The following ZNF805 variants were observed in gnomAD, a reference collection of about 807,000 sequenced individuals.
ZNF805 encodes the protein CTC-444N24.8.
Under a neutral mutation model 13.6 loss-of-function variants are expected in ZNF805, and 7 were observed. The ratio of observed to expected loss-of-function variants is 0.51; its 90% CI spans 0.29 to 0.97. ZNF805 has a LOEUF of 0.97. ZNF805 is among the 50% of genes least tolerant of loss of function. ZNF805 has a pLI of 0.08. For missense variants in ZNF805, 604 were observed against 771.0 expected, an observed-to-expected ratio of 0.78 and a Z score of 2.57; for synonymous variants, 293 against 279.8, an observed-to-expected ratio of 1.05 and a Z score of -0.47.
At chr19:57,251,729 G>A (rs1382792458) in intron 3 of ZNF805, among the ~76,000 whole-genome samples, 1 of 152,128 alleles carries the variant, frequency 6.6e-6, no homozygotes, top group Non-Finnish European at 1.5e-5. Flanking sequence ...TTTATTGTAA[G>A]TTGTAAAACT....
At position 57,253,603 on chromosome 19, in the gene ZNF805, A is replaced by G; in HGVS notation, c.784A>G (p.Met262Val). 1 of 1,614,034 alleles carries G rather than the reference A, an allele frequency of 6.2e-7. No homozygotes were observed. The highest frequency in any genetic ancestry group is 8.5e-7 in the Non-Finnish European group (1 of 1,179,978). ...CACTGGGGAGAAGCCCTATAAGTGC[A>G]TGGAGTGTGGGAAGGCTTTTAATCG... is the stretch of plus-strand genomic sequence containing the variant. ...VHTGEKPYKC[M>V]ECGKAFNRKS... The change falls in exon 4 of 4, where the codon ATG (methionine) becomes GTG (valine). Residue 262 changes from methionine to valine, a missense_variant. This residue lies in a region of ZNF805 where 327 missense variants were observed against 378.2 expected (regional missense o/e 0.86). Coordinates refer to ENST00000414468, the MANE Select transcript of ZNF805 (RefSeq NM_001023563.4). This position sits in a 1 kb window ranked among gnomAD's most constrained non-coding sequence, Gnocchi z 4.4.
At chr19:57,242,889 T>C (rs1051258916) in intron 1 of ZNF805, among the ~76,000 whole-genome samples, 5 of 152,052 alleles carry the variant, frequency 3.3e-5, no homozygotes, top group Middle Eastern at 3.2e-3. Flanking sequence ...GGGACCTGGG[T>C]TAAAATCCTG....
In ZNF805 at chr19:57,259,576, T is replaced by C. The variant is rs1248276035; in HGVS notation, c.*4873T>C. On this transcript the variant is annotated 3_prime_UTR_variant, in exon 4 of 4. Coordinates refer to ENST00000414468, the MANE Select transcript of ZNF805 (RefSeq NM_001023563.4). The stretch of plus-strand genomic sequence containing the variant: ...GGCTGGAGTGCAGTGGCGCGATCTC[T>C]GCTCACTGCAAGCTCTGCCTCCCGG... 6.6e-6 allele frequency among the ~76,000 whole-genome samples: 1 copy of C among 152,100 alleles called. No homozygotes were observed. The highest frequency in any genetic ancestry group is 1.5e-5 in the Non-Finnish European group (1 of 68,008).
rs1431695998 is a variant in ZNF805, at chr19:57,258,072, C to T, written c.*3369C>T. Among the ~76,000 whole-genome samples, 6 of 141,738 alleles carry T rather than the reference C, an allele frequency of 4.2e-5. No individual in the cohort carries two copies. Among genetic ancestry groups the T allele is most frequent in the Admixed American group, 1.5e-4 (2 of 13,188 alleles). 93.0% of individuals were successfully genotyped at this position (141,738 alleles called of 152,430 possible). A position where few individuals can be genotyped will look rare whatever the true frequency, so the allele number is the denominator to read the frequency against. On this transcript the variant is annotated 3_prime_UTR_variant, in exon 4 of 4. Transcript: ENST00000414468. The stretch of plus-strand genomic sequence containing the variant: ...TGTCGCCCTGGCTGGAGTGCAGTGG[C>T]GCAGTCTGCAACCTCTGCCTCCCGG...
Position 57,258,671 on chromosome 19 carries a change from T to TG in ZNF805, c.*3968_*3969insG, listed in dbSNP as rs1226453001. On this transcript the variant is annotated 3_prime_UTR_variant, in exon 4 of 4. Transcript: ENST00000414468. Reference sequence around the variant, plus strand: ...TGTTAATATAATTGTCTAAAGTAATTCCTCTTCAAAATTGAGCACCATGTT... The same window carrying TG: ...TGTTAATATAATTGTCTAAAGTAATTGCCTCTTCAAAATTGAGCACCATGTT... 6.6e-6 allele frequency among the ~76,000 whole-genome samples: 1 copy of TG among 152,158 alleles called. No individual in the cohort carries two copies. Among genetic ancestry groups the TG allele is most frequent in the Non-Finnish European group, 1.5e-5 (1 of 68,022 alleles).
rs2097925194 is a variant in ZNF805 at position 57,258,858 on chromosome 19, T to C, written c.*4155T>C. Among the ~76,000 whole-genome samples, 1 of 152,194 alleles carries C rather than the reference T, an allele frequency of 6.6e-6. No homozygotes were observed. The highest frequency in any genetic ancestry group is 2.4e-5 in the African/African-American group (1 of 41,450). Reference sequence around the variant, plus strand: ...TTTGGCGAACTTGTGTAACCTTTTTTCTAGGGTCAGTCTGCTGGTGTCTCT... The same window carrying C: ...TTTGGCGAACTTGTGTAACCTTTTTCCTAGGGTCAGTCTGCTGGTGTCTCT... On this transcript the variant is annotated 3_prime_UTR_variant, in exon 4 of 4. Coordinates refer to ENST00000414468, the MANE Select transcript of ZNF805 (RefSeq NM_001023563.4).
At chr19:57,248,869 T>C (rs2087635218) in intron 3 of ZNF805, among the ~76,000 whole-genome samples, 169 bp downstream of exon 3, 1 of 152,136 alleles carries the variant, frequency 6.6e-6, no homozygotes, top group Non-Finnish European at 1.5e-5. Context: ...CCCATCGCAC[T>C]TGTCGCCACT....
intron 1 of ZNF805, among the ~76,000 whole-genome samples, chr19:57,242,785 A>G (rs865895219): frequency 2.8e-4 from 42 of 152,220 alleles, no homozygotes; most frequent in African/African-American, 9.7e-4. Flanking sequence ...ATTAAATAGC[A>G]AAAATATGTA....
intron 2 of ZNF805, 94 bp from the exon 3 acceptor site, chr19:57,248,511 G>A: frequency 8.5e-7 from 1 of 1,172,182 alleles, no homozygotes; most frequent in Non-Finnish European, 1.2e-6. Flanking sequence ...TTCATTCCAA[G>A]GTCTGGTCCC....
Position 57,254,351 on chromosome 19 carries a change from A to G in ZNF805, c.1532A>G (p.Tyr511Cys), listed in dbSNP as rs1232147099. The G allele has an allele frequency of 6.2e-6, 10 of 1,613,920 alleles. No individual in the cohort carries two copies. Among genetic ancestry groups the G allele is most frequent in the Non-Finnish European group, 8.5e-6 (10 of 1,180,002 alleles). ...HQRIHSGEKP[Y>C]ECIECGKTFC... Reference sequence around the variant, plus strand: ...CGGATTCATAGTGGAGAGAAGCCCTATGAATGCATCGAGTGTGGGAAAACA... The same window carrying G: ...CGGATTCATAGTGGAGAGAAGCCCTGTGAATGCATCGAGTGTGGGAAAACA... The change falls in exon 4 of 4, where the codon TAT becomes TGT. Residue 511 changes from tyrosine to cysteine, a missense_variant. This residue lies in a region of ZNF805 where 228 missense variants were observed against 352.8 expected (regional missense o/e 0.65). Transcript: ENST00000414468.
At position 57,243,434 on chromosome 19, in the gene ZNF805, C is replaced by T. The variant is rs1450661217; in HGVS notation, c.31-489C>T. On this transcript the variant is annotated intron_variant, in intron 1 of 3. Coordinates refer to ENST00000414468, the MANE Select transcript of ZNF805 (RefSeq NM_001023563.4). ...TTCTGTATTCATCTGAAAATTGAGG[C>T]AGAGATAAATGAGGTCCCTGAGGTC... Among the ~76,000 whole-genome samples the T allele has an allele frequency of 4.6e-5, 7 of 152,224 alleles. No individual in the cohort carries two copies. In the South Asian group the frequency reaches 1.2e-3, roughly 27 times the overall value.
intron 2 of ZNF805, among the ~76,000 whole-genome samples, chr19:57,245,753 T>C (rs1017296787): frequency 1.3e-5 from 2 of 149,902 alleles, no homozygotes; most frequent in Non-Finnish European, 1.5e-5. Context: ...CACTCCAGCC[T>C]GGGCGACAGA....
At chr19:57,245,758 G>A (rs553515057) in intron 2 of ZNF805, among the ~76,000 whole-genome samples, 116 of 150,668 alleles carry the variant, frequency 7.7e-4, no homozygotes, top group Middle Eastern at 3.5e-3. Context: ...CAGCCTGGGC[G>A]ACAGAGCGAG....
At position 57,261,312 on chromosome 19, in the gene ZNF805, T is replaced by C. The variant is rs1422136714; in HGVS notation, c.*6609T>C. The C allele has an allele frequency of 1.8e-5, 3 of 166,902 alleles. No homozygotes were observed. Among genetic ancestry groups the C allele is most frequent in the Non-Finnish European group, 4.4e-5 (3 of 68,108 alleles). 10.3% of individuals were successfully genotyped at this position (166,902 alleles called of 1,614,324 possible). A position where few individuals can be genotyped will look rare whatever the true frequency, so the allele number is the denominator to read the frequency against. ...AGAAAAGACGGAGAATGTCTGGGTT[T>C]GAGGATATGTGGGAGGGGTGGGGAG... On this transcript the variant is annotated 3_prime_UTR_variant, in exon 4 of 4. Coordinates refer to ENST00000414468, the MANE Select transcript of ZNF805 (RefSeq NM_001023563.4).
rs201704217 is a variant in ZNF805, at chr19:57,259,492, A to ATTTGT, written c.*4813_*4817dup. Among the ~76,000 whole-genome samples, 51 of 149,592 alleles carry ATTTGT rather than the reference A, an allele frequency of 3.4e-4. No homozygotes were observed. The highest frequency in any genetic ancestry group is 2.4e-3 in the Admixed American group (36 of 15,054). On this transcript the variant is annotated 3_prime_UTR_variant, in exon 4 of 4. Coordinates refer to ENST00000414468, the MANE Select transcript of ZNF805 (RefSeq NM_001023563.4). ...TGTATTTTTCAGTTGTTTAATTTCC[A>ATTTGT]TTTGTTTTGTTTTGTTTTGTTTTGT... is the stretch of plus-strand genomic sequence containing the variant.
At chr19:57,248,771 G>T in intron 3 of ZNF805, 71 bp downstream of exon 3, 3 of 1,341,240 alleles carry the variant, frequency 2.2e-6, no homozygotes, top group Non-Finnish European at 3.1e-6. Context: ...CTGGCCCTGG[G>T]ATCTCTTGGG....
At chr19:57,246,361 A>G (rs1047015401) in intron 2 of ZNF805, among the ~76,000 whole-genome samples, 1 of 152,096 alleles carries the variant, frequency 6.6e-6, no homozygotes, top group African/African-American at 2.4e-5. Context: ...CGTTGTTTTG[A>G]TTTATTGCTA....
In ZNF805 at chr19:57,240,863, C is replaced by G; in HGVS notation, c.-29C>G. On this transcript the variant is annotated 5_prime_UTR_variant, in exon 1 of 4. Coordinates refer to ENST00000414468, the MANE Select transcript of ZNF805 (RefSeq NM_001023563.4). ...AGACCCGCCCTGCTCGCCGCAGCCCCCGCCCCGCTAGGGCCACAGGGTCCC... is the reference window on the plus strand; with the variant it reads ...AGACCCGCCCTGCTCGCCGCAGCCCGCGCCCCGCTAGGGCCACAGGGTCCC... 1 of 1,547,476 alleles carries G rather than the reference C, an allele frequency of 6.5e-7. No homozygotes were observed. The highest frequency in any genetic ancestry group is 2.0e-5 in the Admixed American group (1 of 50,786).
At chr19:57,246,095 G>A (rs750377276) in intron 2 of ZNF805, among the ~76,000 whole-genome samples, 9 of 152,180 alleles carry the variant, frequency 5.9e-5, no homozygotes, top group Non-Finnish European at 1.0e-4. Context: ...CAAACTGTTG[G>A]TAATTTCCCC....
Sources: allele counts gnomAD v4.1 joint callset (sites outside exome capture counted in the v4.1 genomes callset), GRCh38; gene constraint gnomAD v4.1.1; regional missense constraint gnomAD v4.1.1; non-coding constraint Gnocchi (gnomAD v3.1); transcripts MANE v1.5; gene names NCBI Gene and HGNC (gene_info 2026-07-23, HGNC 2026-07-21).